UMAD1: variants seen among roughly 807,000 people sequenced by gnomAD.
UMAD1 encodes UBAP1-MVB12-associated (UMA)-domain containing protein 1.
In UMAD1, 8 loss-of-function variants were observed where a neutral mutation model predicts 6.1. The ratio of observed to expected loss-of-function variants is 1.30; its 90% CI spans 0.76 to 2.35. UMAD1 has a LOEUF of 2.35. Among genes scored for constraint, UMAD1 ranks in the 30% most tolerant of loss-of-function variants. UMAD1 has a pLI of 0.00. For synonymous variants in UMAD1, 56 were observed against 31.4 expected (o/e 1.78, Z -2.61); for missense variants, 130 against 78.4 (o/e 1.66, Z -2.49).
chr7:7,841,858 A>G (rs544715625), intron 3 of UMAD1, among the ~76,000 whole-genome samples: 11 of 152,300 alleles, frequency 7.2e-5, no homozygotes, highest in Non-Finnish European at 1.3e-4. Flanking sequence ...TTTTGTTTCC[A>G]ATTGTCTTTG....
intron 2 of UMAD1, among the ~76,000 whole-genome samples, chr7:7,720,419 G>A (rs1325324012): frequency 1.3e-5 from 2 of 152,166 alleles, no homozygotes; most frequent in African/African-American, 4.8e-5. Context: ...CCAGGCATCT[G>A]TGTTTTTAAT....
At chr7:7,733,352 A>C (rs1781292955) in intron 2 of UMAD1, among the ~76,000 whole-genome samples, 1 of 152,018 alleles carries the variant, frequency 6.6e-6, no homozygotes, top group Admixed American at 6.6e-5. Flanking sequence ...TGCTGATCTT[A>C]TTTATTGGTT....
At chr7:7,823,025 T>G (rs1170471542) in intron 3 of UMAD1, among the ~76,000 whole-genome samples, 1 of 152,156 alleles carries the variant, frequency 6.6e-6, no homozygotes, top group Non-Finnish European at 1.5e-5. Flanking sequence ...CTTTAAGGTT[T>G]TAATATTCTG....
At chr7:7,686,726 C>G (rs934414020) in intron 2 of UMAD1, among the ~76,000 whole-genome samples, 1 of 152,188 alleles carries the variant, frequency 6.6e-6, no homozygotes. Flanking sequence ...CTACTAGTCC[C>G]TCAATATCTG....
chr7:7,761,940 T>G (rs1038579159), intron 2 of UMAD1, among the ~76,000 whole-genome samples: 1 of 150,916 alleles, frequency 6.6e-6, no homozygotes, highest in Non-Finnish European at 1.5e-5. Flanking sequence ...TTCTTGTGCT[T>G]TTTTATACAG....
At chr7:7,716,169 A>C (rs1780896821) in intron 2 of UMAD1, among the ~76,000 whole-genome samples, 1 of 152,198 alleles carries the variant, frequency 6.6e-6, no homozygotes, top group South Asian at 2.1e-4. Flanking sequence ...ATCCAGCTGC[A>C]AAAATTACTC....
At chr7:7,712,332 C>G (rs1177553529) in intron 2 of UMAD1, among the ~76,000 whole-genome samples, 1 of 152,026 alleles carries the variant, frequency 6.6e-6, no homozygotes, top group Non-Finnish European at 1.5e-5. Context: ...AATATTTAGT[C>G]TTCTTCAGAA....
intron 2 of UMAD1, chr7:7,739,000 A>G (rs2241076): frequency 0.3 from 44,990 of 151,900 alleles, 7,662 homozygotes; most frequent in African/African-American, 0.48. Context: ...AAGAACAGGG[A>G]GAAATTTCAG....
chr7:7,696,900 A>C (rs923599005), intron 2 of UMAD1, among the ~76,000 whole-genome samples: 1 of 151,954 alleles, frequency 6.6e-6, no homozygotes, highest in African/African-American at 2.4e-5. Flanking sequence ...TAAGAATAAC[A>C]TAAGACTAGT....
intron 2 of UMAD1, among the ~76,000 whole-genome samples, chr7:7,800,482 G>A (rs897436194): frequency 2.6e-5 from 4 of 151,998 alleles, no homozygotes; most frequent in African/African-American, 9.7e-5. Flanking sequence ...AACAGATGGT[G>A]TTTGGTACAT....
chr7:7,751,440 A>G (rs1282591030), intron 2 of UMAD1, among the ~76,000 whole-genome samples: 1 of 152,246 alleles, frequency 6.6e-6, no homozygotes, highest in Admixed American at 6.5e-5. Context: ...GTTAACTAAG[A>G]TTTCAACCTG....
At chr7:7,666,517 C>G (rs563034416) in intron 1 of UMAD1, among the ~76,000 whole-genome samples, 1 of 151,920 alleles carries the variant, frequency 6.6e-6, no homozygotes, top group East Asian at 1.9e-4. Flanking sequence ...CGGGGCAAAT[C>G]TTTTTAATTT....
At chr7:7,851,233 T>C (rs958010665) in intron 3 of UMAD1, among the ~76,000 whole-genome samples, 5 of 152,188 alleles carry the variant, frequency 3.3e-5, no homozygotes, top group African/African-American at 9.6e-5. Context: ...AGTACTCCAT[T>C]CCTTCTCATT....
intron 2 of UMAD1, among the ~76,000 whole-genome samples, chr7:7,783,130 A>G (rs968889928): frequency 1.3e-5 from 2 of 152,194 alleles, no homozygotes; most frequent in African/African-American, 2.4e-5. Flanking sequence ...GCTGATTTTT[A>G]GGAAGAGACT....
intron 2 of UMAD1, among the ~76,000 whole-genome samples, chr7:7,716,844 C>G (rs1005875437): frequency 2.0e-5 from 3 of 152,064 alleles, no homozygotes; most frequent in African/African-American, 4.8e-5. Context: ...TACTCGGGAG[C>G]CTGAGGCAGG....
chr7:7,732,754 G>T (rs904489512), intron 2 of UMAD1, among the ~76,000 whole-genome samples: 3 of 152,186 alleles, frequency 2.0e-5, no homozygotes, highest in African/African-American at 7.2e-5. Flanking sequence ...ATATAGTTCA[G>T]TGGGATAGGT....
chr7:7,864,202 T>G (rs183574846), intron 3 of UMAD1, among the ~76,000 whole-genome samples: 1 of 152,270 alleles, frequency 6.6e-6, no homozygotes, highest in Non-Finnish European at 1.5e-5. Context: ...TTACTGTAGG[T>G]TGATTGATAG....
At chr7:7,865,662 C>T (rs17496427) in intron 3 of UMAD1, among the ~76,000 whole-genome samples, 33,105 of 152,186 alleles carry the variant, frequency 0.22, 4,449 homozygotes, top group Middle Eastern at 0.3. Context: ...CTTTTCAGTA[C>T]CTACCTAGTC....
At chr7:7,819,069 C>G (rs142991663) in intron 3 of UMAD1, among the ~76,000 whole-genome samples, 1 of 152,062 alleles carries the variant, frequency 6.6e-6, no homozygotes, top group African/African-American at 2.4e-5. Context: ...AGGCTGGTCT[C>G]GAACTCCTGA....
Sources: allele counts gnomAD v4.1 joint callset (sites outside exome capture counted in the v4.1 genomes callset), GRCh38; gene constraint gnomAD v4.1.1; transcripts MANE v1.5; gene names NCBI Gene and HGNC (gene_info 2026-07-23, HGNC 2026-07-21).